The following TLK1 variants were observed in gnomAD, a reference collection of about 807,000 sequenced individuals.
TLK1 encodes tousled like kinase 1.
In TLK1, 24 loss-of-function variants were observed where a neutral mutation model predicts 105.3. The ratio of observed to expected loss-of-function variants is 0.23; its 90% CI spans 0.17 to 0.32. TLK1 has a LOEUF of 0.32. Ranked by LOEUF, TLK1 falls within the 10% of genes least tolerant of loss-of-function variation. The probability of loss-of-function intolerance (pLI) is 1.00; values close to 1 mark genes in which losing one functional copy is unlikely to be tolerated. For missense variants in TLK1, 558 were observed against 910.5 expected (o/e 0.61, Z 4.98); for synonymous variants, 321 against 310.4 (o/e 1.03, Z -0.36).
At chr2:171,139,899 A>C (rs141609882) in intron 1 of TLK1, among the ~76,000 whole-genome samples, 1 of 152,310 alleles carries the variant, frequency 6.6e-6, no homozygotes, top group Admixed American at 6.5e-5. Flanking sequence ...TTAGATTCTC[A>C]TAAGGAGCAA....
intron 12 of TLK1, among the ~76,000 whole-genome samples, chr2:171,022,084 A>AAAACAC (rs1325311455): frequency 6.7e-5 from 1 of 14,886 alleles, no homozygotes; most frequent in African/African-American, 1.3e-4. Flanking sequence ...GCCTGGGCGA[A>AAAACAC]AAACACACAC....
intron 2 of TLK1, among the ~76,000 whole-genome samples, chr2:171,090,958 T>C (rs556201504): frequency 6.6e-6 from 1 of 152,348 alleles, no homozygotes; most frequent in Admixed American, 6.5e-5. Flanking sequence ...GGCCAGTGGC[T>C]ACTATTAGGC....
chr2:171,100,556 C>T (rs1307301154), intron 2 of TLK1, among the ~76,000 whole-genome samples: 1 of 152,124 alleles, frequency 6.6e-6, no homozygotes, highest in East Asian at 1.9e-4. Context: ...TTGAACCTCG[C>T]AGCCTGCAGA....
At chr2:171,096,560 C>A (rs985547780) in intron 2 of TLK1, among the ~76,000 whole-genome samples, 2 of 151,992 alleles carry the variant, frequency 1.3e-5, no homozygotes, top group Non-Finnish European at 2.9e-5. Flanking sequence ...AGTTCCAGAC[C>A]AGCCTGGCCA....
rs545225410 is a variant in TLK1 at position 171,160,219 on chromosome 2, G to A, written c.139+71C>T. 0.031 allele frequency: 39,238 copies of A among 1,257,426 alleles called. 3,094 individuals are homozygous for A. The highest frequency in any genetic ancestry group is 0.27 in the East Asian group (8,377 of 30,884). The allele number at this position is 1,257,426 out of a possible 1,614,324, so 77.9% of individuals were successfully genotyped here. On this transcript the variant is annotated intron_variant, in intron 1 of 20. Transcript: ENST00000431350. This position sits in a 1 kb window ranked among gnomAD's most constrained non-coding sequence, Gnocchi z 4.4. ...GAGAAGCCCCGGGGCGGGGGGGGCG[G>A]GGGGGGGGCGCGGGGGTCCGCGGCG...
chr2:171,199,740 G>A (rs218306), intron 1 of TLK1, among the ~76,000 whole-genome samples: 76,476 of 151,952 alleles, frequency 0.5, 21,027 homozygotes, highest in East Asian at 0.94. Flanking sequence ...TTACAAATTC[G>A]AAATAGAATC....
Position 171,101,569 on chromosome 2 carries a change from C to G in TLK1, c.258+16170G>C, listed in dbSNP as rs1575596411. On this transcript the variant is annotated intron_variant, in intron 2 of 20. Transcript: ENST00000431350. ...TAGAGTTCGACAGTGGTAATGGTTGCATAAAAAAGTGAATACATTAAAAAC... is the reference window on the plus strand; with the variant it reads ...TAGAGTTCGACAGTGGTAATGGTTGGATAAAAAAGTGAATACATTAAAAAC... Among the ~76,000 whole-genome samples, 5 of 152,022 alleles carry G rather than the reference C, an allele frequency of 3.3e-5. No homozygotes were observed. The South Asian group carries it at 1.0e-3, about 32-fold the overall frequency.
intron 1 of TLK1, among the ~76,000 whole-genome samples, chr2:171,206,466 G>A (rs1693508888): frequency 6.6e-6 from 1 of 152,122 alleles, no homozygotes; most frequent in Admixed American, 6.5e-5. Context: ...GGGAGGCTGG[G>A]CAATACAATC....
chr2:171,230,912 T>TA (rs536350373), intron 1 of TLK1, among the ~76,000 whole-genome samples: 131 of 152,298 alleles, frequency 8.6e-4, no homozygotes, highest in Middle Eastern at 3.4e-3. Context: ...TGTACCCGTA[T>TA]ATCTGGAGCC....
chr2:171,195,326 A>AC (rs1457883942), intron 1 of TLK1, among the ~76,000 whole-genome samples: 2 of 151,848 alleles, frequency 1.3e-5, no homozygotes, highest in Admixed American at 1.3e-4. Context: ...ACACGGTGAA[A>AC]CCCCGTCTCT....
At chr2:171,129,807 C>T (rs954152879) in intron 1 of TLK1, among the ~76,000 whole-genome samples, 13 of 150,010 alleles carry the variant, frequency 8.7e-5, no homozygotes, top group Admixed American at 3.4e-4. Flanking sequence ...CGCACTCCAG[C>T]CTGGGATATA....
In TLK1 at chr2:170,993,444, T is replaced by C. The variant is rs1313962283; in HGVS notation, c.*336A>G. On this transcript the variant is annotated 3_prime_UTR_variant, in exon 21 of 21. Transcript: ENST00000431350. ...CTCTCTAGTAACAACCAAATGTATT[T>C]AAGTATTATAAACGTTATTTACAGT... is the stretch of plus-strand genomic sequence containing the variant. 2.7e-5 allele frequency: 5 copies of C among 185,876 alleles called. No individual in the cohort carries two copies. Among genetic ancestry groups the C allele is most frequent in the African/African-American group, 1.2e-4 (5 of 42,862 alleles). 11.5% of individuals were successfully genotyped at this position (185,876 alleles called of 1,614,324 possible).
At chr2:171,130,634 A>G (rs1254984356) in intron 1 of TLK1, among the ~76,000 whole-genome samples, 2 of 152,214 alleles carry the variant, frequency 1.3e-5, no homozygotes, top group Admixed American at 6.5e-5. Flanking sequence ...CAGAAGGAAC[A>G]TATTAGCATT....
intron 1 of TLK1, among the ~76,000 whole-genome samples, chr2:171,173,759 G>T (rs1473281030): frequency 2.0e-5 from 3 of 152,056 alleles, no homozygotes; most frequent in Non-Finnish European, 4.4e-5. Context: ...GTTCAGAATT[G>T]ACCCTATGCA....
At chr2:170,995,009 T>C (rs1683985785) in intron 20 of TLK1, among the ~76,000 whole-genome samples, 1 of 152,234 alleles carries the variant, frequency 6.6e-6, no homozygotes, top group Admixed American at 6.5e-5. Context: ...TGAAATTCAT[T>C]AGAAGTATAT....
chr2:171,054,487 A>T (rs1040901503), intron 7 of TLK1: 1 of 152,264 alleles, frequency 6.6e-6, no homozygotes, highest in African/African-American at 2.4e-5. Context: ...GGATCATCCA[A>T]AGAAAGAGGT....
At chr2:171,224,602 A>G (rs1693865933) in intron 1 of TLK1, among the ~76,000 whole-genome samples, 1 of 152,196 alleles carries the variant, frequency 6.6e-6, no homozygotes, top group Admixed American at 6.5e-5. Flanking sequence ...TGAAGTCTTA[A>G]TATCATTAAG....
intron 1 of TLK1, among the ~76,000 whole-genome samples, chr2:171,151,999 C>T (rs1424730786): frequency 1.7e-4 from 26 of 152,096 alleles, no homozygotes; most frequent in Admixed American, 1.7e-3. Flanking sequence ...TATGATTAGC[C>T]TCACACAAAC....
intron 1 of TLK1, among the ~76,000 whole-genome samples, chr2:171,209,301 T>G (rs577147127): frequency 6.6e-6 from 1 of 152,350 alleles, no homozygotes; most frequent in East Asian, 1.9e-4. Context: ...CTTTTTATAT[T>G]GTTTTGATTT....
Sources: allele counts gnomAD v4.1 joint callset (sites outside exome capture counted in the v4.1 genomes callset), GRCh38; gene constraint gnomAD v4.1.1; non-coding constraint Gnocchi (gnomAD v3.1); transcripts MANE v1.5; gene names NCBI Gene and HGNC (gene_info 2026-07-23, HGNC 2026-07-21).